The following COL25A1 variants were observed in gnomAD, a reference collection of about 807,000 sequenced individuals.
The protein encoded by COL25A1 is collagen alpha-1(XXV) chain.
A neutral mutation model predicts 128.4 loss-of-function variants in COL25A1; 103 were observed. The observed-to-expected ratio is 0.80, with a 90% CI of 0.68 to 0.94. The LOEUF (loss-of-function observed/expected upper bound fraction) is 0.94. Ranked by LOEUF, COL25A1 falls within the 40% of genes least tolerant of loss-of-function variation. The probability of loss-of-function intolerance (pLI) is 0.00; values close to 1 mark genes in which losing one functional copy is unlikely to be tolerated. For synonymous variants in COL25A1, 279 were observed against 277.2 expected (o/e 1.01, Z -0.06); for missense variants, 745 against 840.0 (o/e 0.89, Z 1.40).
At chr4:109,012,258 T>C (rs1164117783) in intron 5 of COL25A1, among the ~76,000 whole-genome samples, 2 of 152,264 alleles carry the variant, frequency 1.3e-5, no homozygotes, top group African/African-American at 2.4e-5. Flanking sequence ...GAACCACTTA[T>C]ATGTAACTAT....
At chr4:108,846,261 A>C (rs1235654287) in intron 27 of COL25A1, 42 bp from the exon 28 acceptor site, 1 of 1,197,294 alleles carries the variant, frequency 8.4e-7, no homozygotes, top group Non-Finnish European at 1.2e-6. Context: ...CAGCATAATG[A>C]CCCCCGATAA....
At chr4:109,038,138 A>G (rs1274358495) in intron 5 of COL25A1, among the ~76,000 whole-genome samples, 1 of 152,196 alleles carries the variant, frequency 6.6e-6, no homozygotes, top group African/African-American at 2.4e-5. Context: ...TGATGTGTCA[A>G]CTTGGCGAGG....
At chr4:108,883,897 CTT>C (rs1740437804) in intron 19 of COL25A1, among the ~76,000 whole-genome samples, 1 of 152,092 alleles carries the variant, frequency 6.6e-6, no homozygotes, top group African/African-American at 2.4e-5. Context: ...ACATTTTAGA[CTT>C]TAAAGAATTC....
At chr4:109,025,050 G>A (rs1758125913) in intron 5 of COL25A1, among the ~76,000 whole-genome samples, 1 of 152,180 alleles carries the variant, frequency 6.6e-6, no homozygotes, top group African/African-American at 2.4e-5. Flanking sequence ...TATCTGGGTT[G>A]TAATTTAACT....
At chr4:109,281,409 CA>C (rs59962160) in intron 3 of COL25A1, among the ~76,000 whole-genome samples, 9,183 of 102,146 alleles carry the variant, frequency 0.09, 269 homozygotes, top group South Asian at 0.24. Context: ...CTTAAAATGG[CA>C]AAAAAAAAAA....
chr4:108,937,086 T>C (rs911737479), intron 11 of COL25A1, among the ~76,000 whole-genome samples: 25 of 151,902 alleles, frequency 1.6e-4, no homozygotes, highest in Non-Finnish European at 2.1e-4. Context: ...GTGTGAGCCG[T>C]CCTCTGGCAT....
intron 3 of COL25A1, among the ~76,000 whole-genome samples, chr4:109,107,251 G>C (rs1001200607): frequency 9.2e-5 from 14 of 152,094 alleles, no homozygotes; most frequent in African/African-American, 3.4e-4. Flanking sequence ...AAATGCCTAA[G>C]GGAAAATTAT....
intron 3 of COL25A1, among the ~76,000 whole-genome samples, chr4:109,077,383 T>C (rs1208715066): frequency 6.6e-6 from 1 of 152,110 alleles, no homozygotes; most frequent in Non-Finnish European, 1.5e-5. Context: ...ATTTCCATAA[T>C]GCTAATAAAA....
chr4:109,115,894 C>T (rs566229493), intron 3 of COL25A1, among the ~76,000 whole-genome samples: 1 of 152,154 alleles, frequency 6.6e-6, no homozygotes, highest in Non-Finnish European at 1.5e-5. Flanking sequence ...CCTGCACCTA[C>T]CATGTATCCT....
rs957179363 is a variant in COL25A1, at chr4:109,127,436, A to T, written c.368-77257T>A. Among the ~76,000 whole-genome samples the T allele has an allele frequency of 6.6e-5, 10 of 152,190 alleles. 1 individual carries two copies. Among genetic ancestry groups the T allele is most frequent in the Admixed American group, 3.3e-4 (5 of 15,270 alleles). On this transcript the variant is annotated intron_variant, in intron 3 of 37. Coordinates refer to ENST00000399132, the MANE Select transcript of COL25A1 (RefSeq NM_198721.4). ...ATTCATATATGTGAAGCACATAAACACAGCTCTAGTGGTTATTAGTTGGGT... is the reference window on the plus strand; with the variant it reads ...ATTCATATATGTGAAGCACATAAACTCAGCTCTAGTGGTTATTAGTTGGGT...
At chr4:109,146,972 G>A (rs149331379) in intron 3 of COL25A1, among the ~76,000 whole-genome samples, 1 of 152,266 alleles carries the variant, frequency 6.6e-6, no homozygotes, top group African/African-American at 2.4e-5. Context: ...AAAGTGGAAC[G>A]AGGACCATCA....
intron 3 of COL25A1, among the ~76,000 whole-genome samples, chr4:109,197,518 A>G (rs1258307908): frequency 1.5e-5 from 2 of 133,114 alleles, no homozygotes; most frequent in Non-Finnish European, 3.1e-5. Context: ...TAATATTTAT[A>G]TATAATATTA....
chr4:109,049,174 A>C (rs1760752236), intron 4 of COL25A1, among the ~76,000 whole-genome samples: 1 of 152,212 alleles, frequency 6.6e-6, no homozygotes, highest in African/African-American at 2.4e-5. Context: ...TGATAGGTTA[A>C]TGTTTCTGTT....
At chr4:109,000,785 T>C (rs1426961692) in intron 6 of COL25A1, among the ~76,000 whole-genome samples, 1 of 104,110 alleles carries the variant, frequency 9.6e-6, no homozygotes, top group African/African-American at 3.6e-5. Flanking sequence ...ACTATACACA[T>C]AACACTTTGT....
At chr4:109,108,698 T>C (rs1011191288) in intron 3 of COL25A1, among the ~76,000 whole-genome samples, 4 of 150,750 alleles carry the variant, frequency 2.7e-5, no homozygotes, top group Admixed American at 2.0e-4. Flanking sequence ...CCTCTCTCTT[T>C]CTCCAATCCT....
intron 3 of COL25A1, among the ~76,000 whole-genome samples, chr4:109,248,561 TCCTATTTTCATAAATGGCATGAAAATAAG>T (rs1225422582): frequency 3.6e-5 from 5 of 138,726 alleles, no homozygotes; most frequent in Non-Finnish European, 6.1e-5. Flanking sequence ...ATCAGCATCT[TCCTATTTTCATAAATGGCATGAAAATAAG>T]CATCCATCTA....
chr4:108,951,385 T>A (rs368216344), intron 8 of COL25A1, among the ~76,000 whole-genome samples: 1 of 151,806 alleles, frequency 6.6e-6, no homozygotes, highest in Non-Finnish European at 1.5e-5. Context: ...AGAAACTTTT[T>A]TTTTCTTTTT....
chr4:109,301,156 G>T (rs1227187808), intron 2 of COL25A1, among the ~76,000 whole-genome samples: 1 of 151,676 alleles, frequency 6.6e-6, no homozygotes, highest in Admixed American at 6.6e-5. Flanking sequence ...AATTCCAAGG[G>T]CTCTGCATTC....
At chr4:109,069,125 T>C (rs992161794) in intron 3 of COL25A1, among the ~76,000 whole-genome samples, 1 of 151,428 alleles carries the variant, frequency 6.6e-6, no homozygotes, top group African/African-American at 2.4e-5. Context: ...TATTTTAAAC[T>C]TTAAAAATTT....
Sources: gnomAD v4.1 joint callset for allele counts (sites outside exome capture counted in the v4.1 genomes callset) on GRCh38, gnomAD v4.1.1 for gene constraint, MANE v1.5 for transcripts, NCBI Gene and HGNC (gene_info 2026-07-23, HGNC 2026-07-21) for gene names.